Variants in SETBP1 observed in about 807,000 individuals in gnomAD.
The protein encoded by SETBP1 is SET-binding protein.
SETBP1 carries 9 observed loss-of-function variants against 101.0 expected under a neutral mutation model. The ratio of observed to expected loss-of-function variants is 0.09; its 90% CI spans 0.05 to 0.16. The LOEUF (loss-of-function observed/expected upper bound fraction) is 0.16. Among genes scored for constraint, SETBP1 ranks in the 10% least tolerant of loss-of-function variants. SETBP1 has a pLI of 1.00. For missense variants in SETBP1, 1,858 were observed against 2,033.8 expected, an observed-to-expected ratio of 0.91 and a Z score of 1.66; for synonymous variants, 818 against 788.5, an observed-to-expected ratio of 1.04 and a Z score of -0.63.
intron 4 of SETBP1, among the ~76,000 whole-genome samples, chr18:45,037,854 C>T (rs1468482683): frequency 1.3e-5 from 2 of 152,152 alleles, no homozygotes; most frequent in African/African-American, 2.4e-5. Flanking sequence ...CCACCTCCGG[C>T]ATGCTGGCCT....
intron 4 of SETBP1, among the ~76,000 whole-genome samples, chr18:45,030,088 C>T (rs1227746048): frequency 6.7e-6 from 1 of 149,568 alleles, no homozygotes. Context: ...TGTCTTGTGT[C>T]AGTTTTCAAA....
Position 45,067,584 on chromosome 18 carries a change from G to A in SETBP1, c.*3886G>A, listed in dbSNP as rs557722775. 49 of 152,300 alleles carry A rather than the reference G, an allele frequency of 3.2e-4. No homozygotes were observed. Among genetic ancestry groups the A allele is most frequent in the African/African-American group, 9.9e-4 (41 of 41,556 alleles). The allele number at this position is 152,300 out of a possible 1,614,324, so 9.4% of individuals were successfully genotyped here. ...ACGTTATTCTCAACACTACCCTATAGTATCACAGTGGTCCAAATGCCAGAG... is the reference window on the plus strand; with the variant it reads ...ACGTTATTCTCAACACTACCCTATAATATCACAGTGGTCCAAATGCCAGAG... On this transcript the variant is annotated 3_prime_UTR_variant, in exon 6 of 6. Coordinates refer to ENST00000649279, the MANE Select transcript of SETBP1 (RefSeq NM_015559.3).
At chr18:44,902,558 T>C (rs1249502297) in intron 3 of SETBP1, among the ~76,000 whole-genome samples, 1 of 152,136 alleles carries the variant, frequency 6.6e-6, no homozygotes, top group Non-Finnish European at 1.5e-5. Context: ...TTCTAGCCAA[T>C]GTTTACTATG....
Position 44,950,241 on chromosome 18 carries a change from C to T in SETBP1, c.901C>T (p.Pro301Ser), listed in dbSNP as rs1210546699. ...CCCAAGCAGCCACAGCTCACCAGCC[C>T]CACCCAGCAGCTCTGCTGAGTGCAA... is the stretch of plus-strand genomic sequence containing the variant. ...PSPSSHSSPA[P>S]PSSSAECNGL... Residue 301 changes from proline (P) to serine (S), a missense_variant, in exon 4 of 6, where the codon CCA becomes TCA. Coordinates refer to ENST00000649279, the MANE Select transcript of SETBP1 (RefSeq NM_015559.3). The T allele has an allele frequency of 6.2e-7, 1 of 1,613,994 alleles. No individual in the cohort carries two copies. Among genetic ancestry groups the T allele is most frequent in the Admixed American group, 1.7e-5 (1 of 60,026 alleles).
Position 45,065,038 on chromosome 18 carries a change from A to G in SETBP1, c.*1340A>G, listed in dbSNP as rs1432829225. On this transcript the variant is annotated 3_prime_UTR_variant, in exon 6 of 6. Transcript: ENST00000649279. Reference sequence around the variant, plus strand: ...TTGTACATAATGTAATTATAAATCTATCAGTCTGCATGGATGCAAACTGTG... The same window carrying G: ...TTGTACATAATGTAATTATAAATCTGTCAGTCTGCATGGATGCAAACTGTG... 1 of 152,180 alleles carries G rather than the reference A, an allele frequency of 6.6e-6. No individual in the cohort carries two copies. The highest frequency in any genetic ancestry group is 2.4e-5 in the African/African-American group (1 of 41,426). 9.4% of individuals were successfully genotyped at this position (152,180 alleles called of 1,614,324 possible).
intron 2 of SETBP1, among the ~76,000 whole-genome samples, chr18:44,726,245 A>G (rs2069704436): frequency 6.6e-6 from 1 of 152,224 alleles, no homozygotes; most frequent in African/African-American, 2.4e-5. Context: ...TTTTCATTCC[A>G]ACAGTTCTAG....
At chr18:44,720,283 C>A (rs1255490609) in intron 2 of SETBP1, among the ~76,000 whole-genome samples, 9 of 152,106 alleles carry the variant, frequency 5.9e-5, no homozygotes, top group African/African-American at 4.8e-5. Flanking sequence ...CTCTGATATT[C>A]CAGGACATCA....
chr18:44,685,677 G>A (rs907525824), intron 1 of SETBP1, among the ~76,000 whole-genome samples: 1 of 152,142 alleles, frequency 6.6e-6, no homozygotes, highest in Non-Finnish European at 1.5e-5. Flanking sequence ...AATAATACCA[G>A]CTAATTTCTG....
intron 4 of SETBP1, among the ~76,000 whole-genome samples, chr18:45,014,460 T>C (rs572257767): frequency 6.6e-5 from 10 of 152,318 alleles, no homozygotes; most frequent in Non-Finnish European, 1.3e-4. Flanking sequence ...CATTTCAATT[T>C]AAGCCCATAC....
intron 3 of SETBP1, chr18:44,877,551 T>C (rs1278016893): frequency 1.7e-5 from 3 of 174,082 alleles, no homozygotes; most frequent in African/African-American, 4.8e-5. Context: ...ACACAATGTG[T>C]ATCTTTTCTC....
chr18:44,684,607 T>C lies in SETBP1; in HGVS notation c.-173+3586T>C, dbSNP rs140818044. ...AAGGTTTTTTTTTTTTTTTTGCCCA[T>C]TAGAGGGTACCATCTAAGGTTGAAG... On this transcript the variant is annotated intron_variant, in intron 1 of 5. Coordinates refer to ENST00000649279, the MANE Select transcript of SETBP1 (RefSeq NM_015559.3). Among the ~76,000 whole-genome samples, 523 of 146,328 alleles carry C rather than the reference T, an allele frequency of 3.6e-3. 3 individuals carry two copies. Among genetic ancestry groups the C allele is most frequent in the African/African-American group, 0.012 (496 of 40,364 alleles).
In SETBP1 at chr18:45,045,119, TA is replaced by T. The variant is rs879655921; in HGVS notation, c.4171+6475del. On this transcript the variant is annotated intron_variant, in intron 5 of 5. Coordinates refer to ENST00000649279, the MANE Select transcript of SETBP1 (RefSeq NM_015559.3). The stretch of plus-strand genomic sequence containing the variant: ...CAACGTGGTGAAACCCCGTCTTTAC[TA>T]AAAAAAAAAATAAAAAAATACAGGC... Among the ~76,000 whole-genome samples, 846 of 141,232 alleles carry T rather than the reference TA, an allele frequency of 6.0e-3. 13 individuals carry two copies. Among genetic ancestry groups the T allele is most frequent in the African/African-American group, 0.02 (788 of 38,492 alleles). The allele number at this position is 141,232 out of a possible 152,430, so 92.7% of individuals were successfully genotyped here. A position where few individuals can be genotyped will look rare whatever the true frequency, so the allele number is the denominator to read the frequency against.
chr18:44,770,375 T>C (rs2070846584), intron 2 of SETBP1, among the ~76,000 whole-genome samples: 1 of 152,222 alleles, frequency 6.6e-6, no homozygotes, highest in Admixed American at 6.5e-5. Context: ...TCCTTACTTC[T>C]GTGGCTCTTG....
At chr18:44,929,833 G>T (rs112930559) in intron 3 of SETBP1, among the ~76,000 whole-genome samples, 1 of 152,152 alleles carries the variant, frequency 6.6e-6, no homozygotes, top group African/African-American at 2.4e-5. Context: ...AGGAGATTTT[G>T]GGCTGAGATG....
chr18:44,993,209 A>G (rs2072417584), intron 4 of SETBP1, among the ~76,000 whole-genome samples: 2 of 152,102 alleles, frequency 1.3e-5, no homozygotes, highest in African/African-American at 4.8e-5. Context: ...CAAACCTAAC[A>G]ATGAGACATT....
At chr18:44,906,613 T>A (rs1568210740) in intron 3 of SETBP1, among the ~76,000 whole-genome samples, 1 of 152,216 alleles carries the variant, frequency 6.6e-6, no homozygotes, top group South Asian at 2.1e-4. Flanking sequence ...ATTAATTTTA[T>A]GTGTTTATTT....
chr18:45,019,622 C>G (rs1568031716), intron 4 of SETBP1, among the ~76,000 whole-genome samples: 1 of 152,088 alleles, frequency 6.6e-6, no homozygotes, highest in African/African-American at 2.4e-5. Context: ...TTTTTTAGCT[C>G]TGAGTACATG....
At chr18:44,957,076 A>G (rs780411613) in intron 4 of SETBP1, among the ~76,000 whole-genome samples, 1 of 152,190 alleles carries the variant, frequency 6.6e-6, no homozygotes, top group Non-Finnish European at 1.5e-5. Context: ...AGAAGGTGCA[A>G]TCTCAGAATT....
intron 4 of SETBP1, among the ~76,000 whole-genome samples, chr18:45,032,071 A>G (rs2073308268): frequency 6.6e-6 from 1 of 152,134 alleles, no homozygotes; most frequent in African/African-American, 2.4e-5. Context: ...CCAACTTTTA[A>G]TATTGAGAGT....
Sources: allele counts gnomAD v4.1 joint callset (sites outside exome capture counted in the v4.1 genomes callset), GRCh38; gene constraint gnomAD v4.1.1; transcripts MANE v1.5; gene names NCBI Gene and HGNC (gene_info 2026-07-23, HGNC 2026-07-21).